The following CATSPERB variants were observed in gnomAD, a reference collection of about 807,000 sequenced individuals.
CATSPERB encodes the protein cation channel sperm-associated auxiliary subunit beta.
A neutral mutation model predicts 128.3 loss-of-function variants in CATSPERB; 93 were observed. The observed-to-expected ratio is 0.72, with a 90% CI of 0.61 to 0.86. CATSPERB has a LOEUF of 0.86. Among genes scored for constraint, CATSPERB ranks in the 40% least tolerant of loss-of-function variants. The pLI is 0.00. For missense variants in CATSPERB, 1,153 were observed against 1,329.5 expected (o/e 0.87, Z 2.06); for synonymous variants, 381 against 448.8 (o/e 0.85, Z 1.91).
chr14:91,605,048 A>T, intron 22 of CATSPERB: 1 of 1,197,420 alleles, frequency 8.4e-7, no homozygotes. Context: ...CTTGAATGGG[A>T]CCTTGTCTTC....
chr14:91,707,800 T>C (rs1895760214), intron 6 of CATSPERB, among the ~76,000 whole-genome samples: 1 of 150,154 alleles, frequency 6.7e-6, no homozygotes, highest in Non-Finnish European at 1.5e-5. Flanking sequence ...AGAGATGGAG[T>C]TTCACCATGT....
At chr14:91,692,617 G>T (rs568618227) in intron 9 of CATSPERB, among the ~76,000 whole-genome samples, 2 of 151,874 alleles carry the variant, frequency 1.3e-5, no homozygotes, top group Non-Finnish European at 2.9e-5. Flanking sequence ...TTCTCCTACC[G>T]ATCCCAAGTC....
At chr14:91,586,472 T>G (rs1449125138) in intron 26 of CATSPERB, among the ~76,000 whole-genome samples, 1 of 151,186 alleles carries the variant, frequency 6.6e-6, no homozygotes, top group African/African-American at 2.4e-5. Context: ...AGGTTTGCAC[T>G]GCTGCAATGG....
At chr14:91,598,871 A>AAT (rs1041513378) in intron 22 of CATSPERB, among the ~76,000 whole-genome samples, 1 of 151,442 alleles carries the variant, frequency 6.6e-6, no homozygotes, top group Non-Finnish European at 1.5e-5. Context: ...AAAAAAAAAA[A>AAT]AAAAAGGAAA....
Position 91,704,643 on chromosome 14 carries a change from T to C in CATSPERB, c.525A>G (p.Leu175=), listed in dbSNP as rs867804744. The C allele has an allele frequency of 1.2e-6, 2 of 1,613,818 alleles. No homozygotes were observed. The highest frequency in any genetic ancestry group is 1.1e-5 in the South Asian group (1 of 91,046). The change falls in exon 7 of 27, where the codon TTA becomes TTG. Residue 175 remains leucine, a synonymous_variant. Coordinates refer to ENST00000256343, the MANE Select transcript of CATSPERB (RefSeq NM_024764.4). ...DVIPESEISK[L]YPHVVDLKVT... is the part of the protein sequence containing the mutation. Reference sequence around the variant, plus strand: ...CTTTGAGATCTACCACATGTGGATATAATTTACTGATTTCACTTTCTGGAA... The same window carrying C: ...CTTTGAGATCTACCACATGTGGATACAATTTACTGATTTCACTTTCTGGAA...
In CATSPERB at chr14:91,674,156, T is replaced by C. The variant is rs1316329552; in HGVS notation, c.978+20A>G. On this transcript the variant is annotated intron_variant, in intron 12 of 26. Coordinates refer to ENST00000256343, the MANE Select transcript of CATSPERB (RefSeq NM_024764.4). ...TCCCACAACAAAATTTCTTAACTTA[T>C]AAAATATTCAATATCATACCTCACT... The C allele has an allele frequency of 6.4e-6, 9 of 1,410,672 alleles. No individual in the cohort carries two copies. The highest frequency in any genetic ancestry group is 3.7e-5 in the South Asian group (3 of 81,552). The allele number at this position is 1,410,672 out of a possible 1,614,324, so 87.4% of individuals were successfully genotyped here. A position where few individuals can be genotyped will look rare whatever the true frequency, so the allele number is the denominator to read the frequency against.
At chr14:91,695,375 C>A (rs1341068647) in intron 7 of CATSPERB, among the ~76,000 whole-genome samples, 1 of 152,092 alleles carries the variant, frequency 6.6e-6, no homozygotes, top group Non-Finnish European at 1.5e-5. Context: ...AAGTGATTCG[C>A]CCACCTCAGC....
intron 15 of CATSPERB, among the ~76,000 whole-genome samples, chr14:91,648,077 C>T (rs937077987): frequency 1.3e-5 from 2 of 152,114 alleles, no homozygotes; most frequent in Admixed American, 6.6e-5. Context: ...CACAGCCAAT[C>T]CTTCACAAAC....
chr14:91,592,101 G>A (rs1285637), intron 22 of CATSPERB, 99 bp from the exon 23 acceptor site: 554,824 of 773,766 alleles, frequency 0.72, 202,068 homozygotes, highest in East Asian at 0.95. Context: ...TGAAGAAGTG[G>A]AATTCCTGAG....
chr14:91,603,928 C>T (rs906007465), intron 22 of CATSPERB, among the ~76,000 whole-genome samples: 1 of 151,844 alleles, frequency 6.6e-6, no homozygotes, highest in Non-Finnish European at 1.5e-5. Flanking sequence ...AACCATATCA[C>T]CTTGTCTGGA....
chr14:91,605,093 T>TG, intron 22 of CATSPERB: 1 of 1,246,278 alleles, frequency 8.0e-7, no homozygotes, highest in African/African-American at 1.5e-5. Context: ...AGAAGTGGGT[T>TG]GTTTGCCTTT....
intron 15 of CATSPERB, among the ~76,000 whole-genome samples, chr14:91,651,816 A>G (rs2202955): frequency 0.29 from 43,871 of 152,056 alleles, 7,172 homozygotes; most frequent in Admixed American, 0.48. Context: ...CTATGGATAT[A>G]TTGGAGAGCT....
intron 21 of CATSPERB, among the ~76,000 whole-genome samples, chr14:91,609,319 T>A (rs1158980821): frequency 6.6e-6 from 1 of 152,174 alleles, no homozygotes; most frequent in Non-Finnish European, 1.5e-5. Context: ...AAAAGTACAT[T>A]AGAGCCACGA....
At chr14:91,635,444 C>G (rs1234336742) in intron 17 of CATSPERB, 5 of 152,070 alleles carry the variant, frequency 3.3e-5, no homozygotes, top group East Asian at 3.9e-4. Flanking sequence ...GCAACCTCGG[C>G]CTCCTGGGTT....
chr14:91,717,297 T>C (rs184648288), intron 5 of CATSPERB, among the ~76,000 whole-genome samples: 54 of 152,334 alleles, frequency 3.5e-4, no homozygotes, highest in Admixed American at 7.8e-4. Flanking sequence ...CTCACGGTTG[T>C]ATACATTTGT....
At chr14:91,641,444 A>C (rs1376113919) in intron 15 of CATSPERB, among the ~76,000 whole-genome samples, 1 of 152,048 alleles carries the variant, frequency 6.6e-6, no homozygotes, top group Non-Finnish European at 1.5e-5. Context: ...CAGTTTCCCC[A>C]GTACCATTTA....
chr14:91,673,239 A>G (rs78680700), intron 12 of CATSPERB, among the ~76,000 whole-genome samples: 2 of 90,514 alleles, frequency 2.2e-5, no homozygotes, highest in Admixed American at 9.5e-5. Context: ...ATCGACCCTT[A>G]GGCAAGGAAC....
In CATSPERB at chr14:91,626,268, A is replaced by T. The variant is rs766658240; in HGVS notation, c.1743-1261T>A. On this transcript the variant is annotated intron_variant, in intron 17 of 26. Transcript: ENST00000256343. ...CTTTTTTCCCTCAATTAAAAAAATT[A>T]TGTTAAAATATATGCTATGGTTTTA... is the stretch of plus-strand genomic sequence containing the variant. Among the ~76,000 whole-genome samples, 43 of 151,156 alleles carry T rather than the reference A, an allele frequency of 2.8e-4. 1 individual carries two copies. Among genetic ancestry groups the T allele is most frequent in the Non-Finnish European group, 5.6e-4 (38 of 67,896 alleles).
chr14:91,653,644 T>C (rs191197418), intron 15 of CATSPERB, among the ~76,000 whole-genome samples: 49 of 152,228 alleles, frequency 3.2e-4, no homozygotes, highest in African/African-American at 1.1e-3. Flanking sequence ...ACCCATAAGA[T>C]CTTGTGAGAC....
Sources: gnomAD v4.1 joint callset for allele counts (sites outside exome capture counted in the v4.1 genomes callset) on GRCh38, gnomAD v4.1.1 for gene constraint, MANE v1.5 for transcripts, NCBI Gene and HGNC (gene_info 2026-07-23, HGNC 2026-07-21) for gene names.